MYO9B: variants seen among roughly 807,000 people sequenced by gnomAD.
MYO9B encodes myosin IXB.
A neutral mutation model predicts 229.5 loss-of-function variants in MYO9B; 71 were observed. The observed-to-expected ratio is 0.31, with a 90% CI of 0.26 to 0.38. The LOEUF (loss-of-function observed/expected upper bound fraction) is 0.38. Among genes scored for constraint, MYO9B ranks in the 10% least tolerant of loss-of-function variants. MYO9B has a pLI of 1.00. For synonymous variants in MYO9B, 1,185 were observed against 1,235.8 expected (o/e 0.96, Z 0.86); for missense variants, 2,255 against 2,920.5 (o/e 0.77, Z 5.25).
intron 19 of MYO9B, among the ~76,000 whole-genome samples, chr19:17,190,032 C>T (rs4808592): frequency 0.53 from 79,119 of 148,708 alleles, 22,862 homozygotes; most frequent in East Asian, 0.74. Context: ...GCCACTGCAG[C>T]CCAGCCTGGG....
chr19:17,197,727 C>T, intron 22 of MYO9B, 65 bp from the exon 23 acceptor site: 1 of 1,588,132 alleles, frequency 6.3e-7, no homozygotes, highest in Non-Finnish European at 8.6e-7. Context: ...CCAAGAACCA[C>T]TAAGACAAGA....
rs71334674 is a variant in MYO9B at position 17,147,542 on chromosome 19, CA to C, written c.935+2070del. On this transcript the variant is annotated intron_variant, in intron 3 of 39. Transcript: ENST00000682292. ...CTGGGTGACGAGCGAAAGTCCATCT[CA>C]AAAAAAAAAAAAAAAAAACCCAACA... Among the ~76,000 whole-genome samples the C allele has an allele frequency of 3.2e-3, 207 of 64,344 alleles. 1 individual carries two copies. The highest frequency in any genetic ancestry group is 5.8e-3 in the African/African-American group (111 of 19,282). The allele number at this position is 64,344 out of a possible 152,430, so 42.2% of individuals were successfully genotyped here. A position where few individuals can be genotyped will look rare whatever the true frequency, so the allele number is the denominator to read the frequency against.
chr19:17,197,400 GAT>G (rs2073054748), intron 22 of MYO9B, among the ~76,000 whole-genome samples: 1 of 46,478 alleles, frequency 2.2e-5, no homozygotes, highest in Non-Finnish European at 3.7e-5. Context: ...TGGATGGATA[GAT>G]AGATGATAGA....
At chr19:17,125,393 C>G (rs1451665183) in intron 2 of MYO9B, among the ~76,000 whole-genome samples, 1 of 150,850 alleles carries the variant, frequency 6.6e-6, no homozygotes, top group Non-Finnish European at 1.5e-5. Flanking sequence ...ACAGGACCTT[C>G]CCCCATCAAA....
chr19:17,198,490 T>A (rs542355873), intron 24 of MYO9B, among the ~76,000 whole-genome samples, 182 bp downstream of exon 24: 1 of 152,192 alleles, frequency 6.6e-6, no homozygotes, highest in Admixed American at 6.5e-5. Context: ...ATCCCAGCAC[T>A]TTGGGATGCC....
chr19:17,118,914 C>G (rs1034399601), intron 2 of MYO9B, among the ~76,000 whole-genome samples: 1 of 152,144 alleles, frequency 6.6e-6, no homozygotes, highest in Non-Finnish European at 1.5e-5. Flanking sequence ...GGGCAGGCAG[C>G]CCCTGGAGAG....
At position 17,197,406 on chromosome 19, in the gene MYO9B, T is replaced by TGATAGATAGATA. The variant is rs11455979; in HGVS notation, c.4047-353_4047-342dup. On this transcript the variant is annotated intron_variant, in intron 22 of 39. Coordinates refer to ENST00000682292, the MANE Select transcript of MYO9B (RefSeq NM_004145.4). ...AAGGATGGATGGATGGATAGATAGA[T>TGATAGATAGATA]GATAGATAGATAGATAGATAGATAG... is the stretch of plus-strand genomic sequence containing the variant. 8.4e-3 allele frequency among the ~76,000 whole-genome samples: 1,083 copies of TGATAGATAGATA among 128,808 alleles called. 5 individuals carry two copies. The highest frequency in any genetic ancestry group is 0.02 in the Middle Eastern group (5 of 250). The allele number at this position is 128,808 out of a possible 152,430, so 84.5% of individuals were successfully genotyped here. A position where few individuals can be genotyped will look rare whatever the true frequency, so the allele number is the denominator to read the frequency against.
chr19:17,186,099 G>GGCT, intron 18 of MYO9B, 98 bp downstream of exon 18: 1 of 1,086,966 alleles, frequency 9.2e-7, no homozygotes, highest in Non-Finnish European at 1.4e-6. Flanking sequence ...CGCAGTATGG[G>GGCT]GGACGGTGCA....
chr19:17,122,516 C>CA (rs2057975258), intron 2 of MYO9B, among the ~76,000 whole-genome samples: 3 of 151,954 alleles, frequency 2.0e-5, no homozygotes, highest in Admixed American at 6.6e-5. Context: ...GACTCTGCCT[C>CA]AAAAAAACAG....
intron 1 of MYO9B, among the ~76,000 whole-genome samples, chr19:17,087,441 G>A (rs969936815): frequency 6.6e-6 from 1 of 152,182 alleles, no homozygotes; most frequent in African/African-American, 2.4e-5. Context: ...AGTCACGAGA[G>A]AGCATTTGGG....
chr19:17,080,871 TA>T (rs35753035), intron 1 of MYO9B, among the ~76,000 whole-genome samples: 56,056 of 146,124 alleles, frequency 0.38, 11,452 homozygotes, highest in African/African-American at 0.54. Flanking sequence ...CCCCATCTCT[TA>T]AAAAAAAAAA....
intron 3 of MYO9B, among the ~76,000 whole-genome samples, chr19:17,151,423 G>A (rs912186320): frequency 2.2e-4 from 34 of 152,146 alleles, no homozygotes; most frequent in Non-Finnish European, 4.6e-4. Flanking sequence ...CAGACCCAGA[G>A]AAGGTACCTG....
At chr19:17,210,598 T>G in intron 37 of MYO9B, 117 bp from the exon 38 acceptor site, 3 of 1,346,434 alleles carry the variant, frequency 2.2e-6, no homozygotes, top group Non-Finnish European at 3.0e-6. Flanking sequence ...TAGAGAAGTC[T>G]CACTAAGAGC....
Position 17,192,749 on chromosome 19 carries a change from T to C in MYO9B, c.2815T>C (p.Phe939Leu), listed in dbSNP as rs1272193591. The C allele has an allele frequency of 1.3e-6, 2 of 1,533,328 alleles. No homozygotes were observed. The highest frequency in any genetic ancestry group is 4.9e-5 in the East Asian group (2 of 40,816). 95.0% of individuals were successfully genotyped at this position (1,533,328 alleles called of 1,614,324 possible). A position where few individuals can be genotyped will look rare whatever the true frequency, so the allele number is the denominator to read the frequency against. The change falls in exon 21 of 40, where the codon TTC (phenylalanine) becomes CTC (leucine). Residue 939 changes from phenylalanine to leucine, a missense_variant. Transcript: ENST00000682292. ...RNYQIGKTKV[F>L]LKETERQALQ... is the part of the protein sequence containing the mutation. ...CACCTGACCCCGTGCCCACCAGGTC[T>C]TCCTGAAGGAGACGGAGCGGCAAGC...
At position 17,175,645 on chromosome 19, in the gene MYO9B, A is replaced by G. The variant is rs1177564361; in HGVS notation, c.2141-18A>G. On this transcript the variant is annotated intron_variant, in intron 13 of 39. Transcript: ENST00000682292. The stretch of plus-strand genomic sequence containing the variant: ...TAGGAGGCCATCCCCACCACCATCC[A>G]CTCTGTGTCTCCGGCAGGTATGAGC... 2 of 1,553,772 alleles carry G rather than the reference A, an allele frequency of 1.3e-6. No individual in the cohort carries two copies. The highest frequency in any genetic ancestry group is 2.8e-5 in the African/African-American group (2 of 72,658).
chr19:17,181,088 C>A, intron 15 of MYO9B, 48 bp downstream of exon 15: 1 of 1,372,604 alleles, frequency 7.3e-7, no homozygotes, highest in Non-Finnish European at 1.0e-6. Context: ...AACCGCCTCC[C>A]ACTACTCCTG....
intron 4 of MYO9B, among the ~76,000 whole-genome samples, chr19:17,153,632 G>A (rs888415871): frequency 6.6e-6 from 1 of 151,232 alleles, no homozygotes; most frequent in Non-Finnish European, 1.5e-5. Context: ...GGAGGTCGAG[G>A]CTGCAGTGAG....
At chr19:17,179,431 T>C in intron 14 of MYO9B, among the ~76,000 whole-genome samples, 1 of 137,190 alleles carries the variant, frequency 7.3e-6, no homozygotes, top group Non-Finnish European at 1.5e-5. Context: ...TTTTTTTTTT[T>C]TTTTTTTTTT....
intron 3 of MYO9B, among the ~76,000 whole-genome samples, chr19:17,149,718 G>T (rs1300483793): frequency 6.6e-6 from 1 of 152,208 alleles, no homozygotes; most frequent in African/African-American, 2.4e-5. Context: ...TCCCCACCCA[G>T]TTCTCCAATT....
Sources: gnomAD v4.1 joint callset for allele counts (sites outside exome capture counted in the v4.1 genomes callset) on GRCh38, gnomAD v4.1.1 for gene constraint, MANE v1.5 for transcripts, NCBI Gene and HGNC (gene_info 2026-07-23, HGNC 2026-07-21) for gene names.